SNTG1: variants seen among roughly 807,000 people sequenced by gnomAD.
SNTG1 encodes the protein gamma-1-syntrophin.
SNTG1 carries 39 observed loss-of-function variants against 74.7 expected under a neutral mutation model. The observed-to-expected ratio is 0.52, with a 90% CI of 0.40 to 0.68. The LOEUF (loss-of-function observed/expected upper bound fraction) is 0.68. Among genes scored for constraint, SNTG1 ranks in the 30% least tolerant of loss-of-function variants. SNTG1 has a pLI of 0.00. For synonymous variants in SNTG1, 254 were observed against 217.1 expected (o/e 1.17, Z -1.49); for missense variants, 685 against 609.5 (o/e 1.12, Z -1.30).
At chr8:50,150,508 C>T (rs2082029043) in intron 1 of SNTG1, among the ~76,000 whole-genome samples, 1 of 152,170 alleles carries the variant, frequency 6.6e-6, no homozygotes, top group Admixed American at 6.5e-5. Context: ...TTTGCCCTTT[C>T]AGTATGATAT....
chr8:50,521,275 G>C (rs2094177378), intron 9 of SNTG1, among the ~76,000 whole-genome samples: 2 of 152,052 alleles, frequency 1.3e-5, no homozygotes, highest in South Asian at 4.1e-4. Context: ...ATGGGGGCTG[G>C]GGGTCTAGGG....
At chr8:50,010,689 A>T (rs902537062) in intron 1 of SNTG1, among the ~76,000 whole-genome samples, 1 of 151,884 alleles carries the variant, frequency 6.6e-6, no homozygotes, top group Non-Finnish European at 1.5e-5. Context: ...CTTACTAAAA[A>T]CATCCCCGTA....
At chr8:50,481,383 A>C (rs1022044797) in intron 8 of SNTG1, among the ~76,000 whole-genome samples, 1 of 152,120 alleles carries the variant, frequency 6.6e-6, no homozygotes, top group Non-Finnish European at 1.5e-5. Flanking sequence ...TCCATCTCAA[A>C]AACAACAACA....
intron 10 of SNTG1, among the ~76,000 whole-genome samples, chr8:50,531,834 G>A (rs1298021212): frequency 6.6e-6 from 1 of 152,188 alleles, no homozygotes; most frequent in Non-Finnish European, 1.5e-5. Flanking sequence ...GAGCTGTTTT[G>A]TTCTAGGTCT....
intron 1 of SNTG1, among the ~76,000 whole-genome samples, chr8:50,069,782 T>C (rs1426340909): frequency 4.0e-5 from 6 of 151,882 alleles, no homozygotes; most frequent in Admixed American, 3.9e-4. Flanking sequence ...CTACTTGCTC[T>C]GCTCTCAGCT....
chr8:50,496,740 G>T (rs1199154097), intron 8 of SNTG1, among the ~76,000 whole-genome samples: 1 of 151,586 alleles, frequency 6.6e-6, no homozygotes, highest in East Asian at 1.9e-4. Flanking sequence ...CTCTTGCTTG[G>T]GTACTCATCT....
intron 2 of SNTG1, among the ~76,000 whole-genome samples, chr8:50,295,942 A>T (rs4601322): frequency 0.92 from 140,141 of 152,250 alleles, 65,609 homozygotes; most frequent in East Asian, 1. Flanking sequence ...GTGCACCTAA[A>T]GCATTTAAAT....
intron 12 of SNTG1, among the ~76,000 whole-genome samples, chr8:50,581,726 T>C (rs895726492): frequency 1.3e-5 from 2 of 152,142 alleles, no homozygotes; most frequent in African/African-American, 2.4e-5. Flanking sequence ...ATTGGCACAA[T>C]GGGAAGGGAT....
At chr8:50,136,068 G>C (rs1172332516) in intron 1 of SNTG1, among the ~76,000 whole-genome samples, 1 of 152,170 alleles carries the variant, frequency 6.6e-6, no homozygotes, top group African/African-American at 2.4e-5. Flanking sequence ...CCATGTTGCT[G>C]CAAAGGACAT....
chr8:50,598,963 G>A (rs2094752615), intron 13 of SNTG1, among the ~76,000 whole-genome samples: 1 of 151,796 alleles, frequency 6.6e-6, no homozygotes, highest in African/African-American at 2.4e-5. Flanking sequence ...ACAACTTTTT[G>A]GAGTCTTTAA....
chr8:50,035,835 GGT>G (rs1818113971), intron 1 of SNTG1, among the ~76,000 whole-genome samples: 1 of 152,144 alleles, frequency 6.6e-6, no homozygotes, highest in Non-Finnish European at 1.5e-5. Context: ...AGGGCCAGAT[GGT>G]GTTCCTCTGA....
intron 2 of SNTG1, among the ~76,000 whole-genome samples, chr8:50,317,845 T>C (rs1271732480): frequency 1.3e-5 from 2 of 152,064 alleles, no homozygotes; most frequent in African/African-American, 4.8e-5. Flanking sequence ...TTTTTTTGTT[T>C]GTTTGTTTTG....
intron 12 of SNTG1, among the ~76,000 whole-genome samples, chr8:50,565,039 A>T (rs1466325320): frequency 2.4e-4 from 36 of 152,050 alleles, no homozygotes; most frequent in Non-Finnish European, 2.9e-5. Context: ...ATGATGTAAC[A>T]AAAATGGCCC....
rs542130145 is a variant in SNTG1, at chr8:49,915,741, A to G, written c.-103+3510A>G. ...ATACACTTCAAAACTCCATATCCTA[A>G]AACATACAGAAAGCATTGTGATTTG... On this transcript the variant is annotated intron_variant, in intron 1 of 18. Coordinates refer to ENST00000642720, the MANE Select transcript of SNTG1 (RefSeq NM_018967.5). Among the ~76,000 whole-genome samples, 36 of 152,316 alleles carry G rather than the reference A, an allele frequency of 2.4e-4. 1 individual carries two copies. The South Asian group carries it at 7.0e-3, about 30-fold the overall frequency.
intron 8 of SNTG1, among the ~76,000 whole-genome samples, chr8:50,483,508 C>T (rs1032167554): frequency 2.0e-5 from 3 of 152,096 alleles, no homozygotes; most frequent in Non-Finnish European, 4.4e-5. Context: ...AGTGCTAGCA[C>T]AGCTCACTCC....
At chr8:50,619,755 GATAC>G (rs2094909439) in intron 13 of SNTG1, among the ~76,000 whole-genome samples, 1 of 138,262 alleles carries the variant, frequency 7.2e-6, no homozygotes, top group Non-Finnish European at 1.5e-5. Flanking sequence ...AAAAAAGAAA[GATAC>G]ATGGTTCCCA....
intron 8 of SNTG1, among the ~76,000 whole-genome samples, chr8:50,500,012 T>C (rs1043008172): frequency 1.3e-5 from 2 of 152,070 alleles, no homozygotes; most frequent in Non-Finnish European, 1.5e-5. Context: ...TGCAATATTT[T>C]TATTATGATG....
intron 1 of SNTG1, among the ~76,000 whole-genome samples, chr8:50,145,140 C>T (rs942711450): frequency 6.6e-6 from 1 of 152,130 alleles, no homozygotes; most frequent in Non-Finnish European, 1.5e-5. Flanking sequence ...GTGACAGTGG[C>T]AGAGCCCTGG....
At chr8:50,154,694 A>G (rs1196073096) in intron 1 of SNTG1, among the ~76,000 whole-genome samples, 1 of 152,152 alleles carries the variant, frequency 6.6e-6, no homozygotes, top group Non-Finnish European at 1.5e-5. Context: ...GAACTAACCA[A>G]AATTGCAACC....
Sources: gnomAD v4.1 joint callset for allele counts (sites outside exome capture counted in the v4.1 genomes callset) on GRCh38, gnomAD v4.1.1 for gene constraint, MANE v1.5 for transcripts, NCBI Gene and HGNC (gene_info 2026-07-23, HGNC 2026-07-21) for gene names.